The following MRAP variants were observed in gnomAD, a reference collection of about 807,000 sequenced individuals.
The protein encoded by MRAP is melanocortin-2 receptor accessory protein.
A neutral mutation model predicts 8.7 loss-of-function variants in MRAP; 8 were observed. The ratio of observed to expected loss-of-function variants is 0.92; its 90% confidence interval spans 0.54 to 1.66. MRAP has a LOEUF of 1.66. Ranked by LOEUF, MRAP falls within the 40% of genes most tolerant of loss-of-function variation. The probability of loss-of-function intolerance (pLI) is 0.00; values close to 1 mark genes in which losing one functional copy is unlikely to be tolerated. For missense variants in MRAP, 237 were observed against 217.1 expected (o/e 1.09, Z -0.58); for synonymous variants, 95 against 95.5 (o/e 1.00, Z 0.03).
chr21:32,304,096 G>A (rs2032347359), intron 1 of MRAP, among the ~76,000 whole-genome samples: 1 of 152,162 alleles, frequency 6.6e-6, no homozygotes, highest in Admixed American at 6.5e-5. Context: ...TTATGTAGGT[G>A]CTATAAGACC....
intron 1 of MRAP, among the ~76,000 whole-genome samples, chr21:32,304,741 C>CGAGCA (rs2032366185): frequency 6.6e-6 from 1 of 152,068 alleles, no homozygotes; most frequent in Admixed American, 6.6e-5. Flanking sequence ...TCCAGAGGTG[C>CGAGCA]TCTTAAACAG....
At chr21:32,295,396 G>T, upstream of MRAP, among the ~76,000 whole-genome samples, 1 of 152,126 alleles carries the variant, frequency 6.6e-6, no homozygotes, top group Non-Finnish European at 1.5e-5. Context: ...CCATGCTTGA[G>T]CCCACTCGCC....
At chr21:32,306,328 A>C (rs1465351668) in intron 1 of MRAP, 1 of 395,048 alleles carries the variant, frequency 2.5e-6, no homozygotes, top group Non-Finnish European at 4.8e-6. Flanking sequence ...TCCTCTGAGC[A>C]CCACTAGGAG....
At chr21:32,301,670 T>C (rs1196810564) in intron 1 of MRAP, among the ~76,000 whole-genome samples, 1 of 152,092 alleles carries the variant, frequency 6.6e-6, no homozygotes, top group African/African-American at 2.4e-5. Context: ...TTTCAGAGAG[T>C]AGGATGGGCT....
chr21:32,302,693 C>T (rs1467378094), intron 1 of MRAP, among the ~76,000 whole-genome samples: 2 of 152,202 alleles, frequency 1.3e-5, no homozygotes, highest in Non-Finnish European at 2.9e-5. Flanking sequence ...CTCTGACCAT[C>T]ACATCCGTGT....
intron 2 of MRAP, among the ~76,000 whole-genome samples, chr21:32,310,746 A>C (rs1218356108): frequency 2.0e-5 from 3 of 151,216 alleles, no homozygotes; most frequent in Non-Finnish European, 4.4e-5. Flanking sequence ...TCCTTGGTTC[A>C]AGTGATTCTC....
In MRAP at chr21:32,306,733, A is replaced by AGG. The variant is rs753374164; in HGVS notation, c.201_202insGG (p.Met68GlyfsTer2). ...TACATGTCCTGGTCCGCCTCCCCGC[A>AGG]GATGAGGTGGGTAAGAAGGGGTGTG... On this transcript the variant is annotated frameshift_variant, in exon 2 of 3. Transcript: ENST00000303645. LOFTEE classifies it low-confidence loss of function (END_TRUNC). 1 of 1,613,894 alleles carries AGG rather than the reference A, an allele frequency of 6.2e-7. No homozygotes were observed. Among genetic ancestry groups the AGG allele is most frequent in the Non-Finnish European group, 8.5e-7 (1 of 1,179,778 alleles).
At chr21:32,295,159 G>C (rs1226795993), upstream of MRAP, among the ~76,000 whole-genome samples, 1 of 152,016 alleles carries the variant, frequency 6.6e-6, no homozygotes, top group Non-Finnish European at 1.5e-5. Flanking sequence ...GCATAAGACA[G>C]GAAAAGCGCC....
intron 1 of MRAP, chr21:32,291,916 A>G (rs1451560497): frequency 1.3e-5 from 2 of 152,170 alleles, no homozygotes. Flanking sequence ...TTAAAAAAAA[A>G]GGTTTATTAG....
chr21:32,311,459 G>C (rs1432913930), intron 2 of MRAP: 3 of 443,636 alleles, frequency 6.8e-6, no homozygotes, highest in Non-Finnish European at 1.2e-5. Context: ...GGCCTCCAGG[G>C]AAAGACCTGA....
intron 2 of MRAP, among the ~76,000 whole-genome samples, chr21:32,309,224 G>A (rs1371363100): frequency 6.6e-6 from 1 of 151,830 alleles, no homozygotes; most frequent in Non-Finnish European, 1.5e-5. Context: ...CCTCTTAAAG[G>A]TCCCAGCTCC....
chr21:32,298,603 C>T (rs1445682144), upstream of MRAP, among the ~76,000 whole-genome samples: 1 of 152,154 alleles, frequency 6.6e-6, no homozygotes, highest in Non-Finnish European at 1.5e-5. Flanking sequence ...TCTTTCCAGC[C>T]CTATTGGGCA....
chr21:32,301,837 T>C (rs1439799504), intron 1 of MRAP, among the ~76,000 whole-genome samples: 1 of 152,172 alleles, frequency 6.6e-6, no homozygotes, highest in Admixed American at 6.5e-5. Flanking sequence ...TTCCTCTGCT[T>C]CTCTGAGCAC....
At chr21:32,293,331 CA>C (rs56218980) in intron 2 of MRAP, among the ~76,000 whole-genome samples, 1 of 146,846 alleles carries the variant, frequency 6.8e-6, no homozygotes, top group Non-Finnish European at 1.5e-5. Flanking sequence ...AACTGTAAGG[CA>C]AAAAAAAAAT....
rs201141721 is a variant in MRAP at position 32,312,010 on chromosome 21, T to A, written c.*14T>A. The A allele has an allele frequency of 3.5e-5, 56 of 1,612,868 alleles. No individual in the cohort carries two copies. Among genetic ancestry groups the A allele is most frequent in the Middle Eastern group, 1.6e-4 (1 of 6,062 alleles). ...TTGCAGAGCTGATGTCAGTAAATCG[T>A]GGCCATAGCTGAGTGAACTGGTGAA... On this transcript the variant is annotated 3_prime_UTR_variant, in exon 3 of 3. Transcript: ENST00000303645.
At chr21:32,307,138 T>A (rs2032439419) in intron 2 of MRAP, among the ~76,000 whole-genome samples, 1 of 152,164 alleles carries the variant, frequency 6.6e-6, no homozygotes. Context: ...GCATGTTGTA[T>A]GACTCCATTC....
chr21:32,307,484 G>A (rs2032448076), intron 2 of MRAP, among the ~76,000 whole-genome samples: 1 of 151,920 alleles, frequency 6.6e-6, no homozygotes, highest in Non-Finnish European at 1.5e-5. Flanking sequence ...GGCTGAGGCA[G>A]GAGAATTGCT....
chr21:32,304,623 AAAAC>A lies in MRAP; in HGVS notation c.107-2009_107-2006del, dbSNP rs200239844. On this transcript the variant is annotated intron_variant, in intron 1 of 2. Transcript: ENST00000303645. ...ATTAAGACTCTGTCTCAAACAAAAAAAAACAAACAAAAAACAAAACAAAACAAAC... is the reference window on the plus strand; with the variant it reads ...ATTAAGACTCTGTCTCAAACAAAAAAAAACAAAAAACAAAACAAAACAAAC... Among the ~76,000 whole-genome samples, 933 of 138,904 alleles carry A rather than the reference AAAAC, an allele frequency of 6.7e-3. 12 individuals carry two copies. The highest frequency in any genetic ancestry group is 0.024 in the African/African-American group (892 of 37,406). 91.1% of individuals were successfully genotyped at this position (138,904 alleles called of 152,430 possible).
intron 1 of MRAP, among the ~76,000 whole-genome samples, chr21:32,301,036 A>AATATATCATATGATATATATCATATCAT (rs2032285004): frequency 6.6e-6 from 1 of 150,842 alleles, no homozygotes; most frequent in Non-Finnish European, 1.5e-5. Flanking sequence ...AGATATATCA[A>AATATATCATATGATATATATCATATCAT]ATATATCATA....
Sources: gnomAD v4.1 joint callset for allele counts (sites outside exome capture counted in the v4.1 genomes callset) on GRCh38, gnomAD v4.1.1 for gene constraint, MANE v1.5 for transcripts, NCBI Gene and HGNC (gene_info 2026-07-23, HGNC 2026-07-21) for gene names.